The following POLI variants were observed in gnomAD, a reference collection of about 807,000 sequenced individuals.
POLI encodes the protein DNA polymerase iota, also known as RAD30 homolog B.
POLI carries 58 observed loss-of-function variants against 51.6 expected under a neutral mutation model. The ratio of observed to expected loss-of-function variants is 1.12; its 90% CI spans 0.91 to 1.40. POLI has a LOEUF of 1.40. POLI is among the 40% of genes most tolerant of loss of function. The pLI is 0.00. For missense variants in POLI, 921 were observed against 871.3 expected (o/e 1.06, Z -0.72); for synonymous variants, 322 against 299.7 (o/e 1.07, Z -0.77).
Position 54,282,990 on chromosome 18 carries a change from C to T in POLI, c.950C>T (p.Pro317Leu). Reference protein sequence around the residue: ...QKLSFGEDNSPVILSGPPQSF... With the variant: ...QKLSFGEDNSLVILSGPPQSF... ...CTCAGTTTTGGAGAGGATAACTCCC[C>T]TGTGATACTCTCAGGACCACCTCAG... is the stretch of plus-strand genomic sequence containing the variant. The change falls in exon 6 of 10, where the codon CCT becomes CTT. Residue 317 changes from proline (P) to leucine (L), a missense_variant. Physicochemically the swap from Pro to Leu is moderately conservative, Grantham distance 98 (BLOSUM62 -3). Coordinates refer to ENST00000579534, the MANE Select transcript of POLI (RefSeq NM_007195.3). 5 of 1,608,360 alleles carry T rather than the reference C, an allele frequency of 3.1e-6. No individual in the cohort carries two copies. Among genetic ancestry groups the T allele is most frequent in the Non-Finnish European group, 4.3e-6 (5 of 1,176,096 alleles).
chr18:54,271,900 A>G (rs2087021407), intron 2 of POLI, among the ~76,000 whole-genome samples: 1 of 152,192 alleles, frequency 6.6e-6, no homozygotes. Context: ...CATCTAACTA[A>G]CTAGTTGGAT....
chr18:54,280,669 A>G lies in POLI; in HGVS notation c.562A>G (p.Ile188Val), dbSNP rs1309065928. Residue 188 changes from isoleucine to valine, a missense_variant and splice_region_variant, in exon 5 of 10, where the codon ATA becomes GTA. Physicochemically the swap from Ile to Val is conservative, Grantham distance 29. Transcript: ENST00000579534. ...VSGHVYNNQSINLLDVLHIRL... is the reference protein window; with the variant it reads ...VSGHVYNNQSVNLLDVLHIRL... ...AATGACATTTGTTGTTTTTAAAGCT[A>G]TAAACCTGCTTGACGTCTTGCACAT... 3 of 1,602,110 alleles carry G rather than the reference A, an allele frequency of 1.9e-6. No individual in the cohort carries two copies. The highest frequency in any genetic ancestry group is 1.1e-5 in the South Asian group (1 of 90,698).
At chr18:54,308,115 C>G (rs1050464529) in intron 3 of POLI, among the ~76,000 whole-genome samples, 4 of 152,086 alleles carry the variant, frequency 2.6e-5, no homozygotes, top group Non-Finnish European at 4.4e-5. Context: ...TGAATTTGAT[C>G]CTGTTATTAT....
intron 3 of POLI, among the ~76,000 whole-genome samples, chr18:54,309,584 C>T (rs1030138373): frequency 2.0e-5 from 3 of 152,148 alleles, no homozygotes; most frequent in African/African-American, 4.8e-5. Context: ...GCTCAAACAC[C>T]GTGCTGGGAG....
chr18:54,279,241 C>CTTTTTT lies in POLI; in HGVS notation c.559+1400_559+1405dup, dbSNP rs769828054. 3.9e-4 allele frequency among the ~76,000 whole-genome samples: 47 copies of CTTTTTT among 119,102 alleles called. 2 individuals are homozygous for CTTTTTT. Among genetic ancestry groups the CTTTTTT allele is most frequent in the Non-Finnish European group, 5.1e-4 (30 of 58,270 alleles). 78.1% of individuals were successfully genotyped at this position (119,102 alleles called of 152,430 possible). On this transcript the variant is annotated intron_variant, in intron 4 of 9. Transcript: ENST00000579534. ...ACAAAAAATACCCATTATGTCTTTT[C>CTTTTTT]TTTTTTTTTTTTTTTTTTTGAGACA...
chr18:54,279,465 A>G (rs1171321188), intron 4 of POLI, among the ~76,000 whole-genome samples: 1 of 151,438 alleles, frequency 6.6e-6, no homozygotes. Context: ...CTGGTCTTGA[A>G]CTCCTAATCT....
chr18:54,315,466 T>A (rs1011939036), intron 3 of POLI, among the ~76,000 whole-genome samples: 1 of 152,150 alleles, frequency 6.6e-6, no homozygotes, highest in African/African-American at 2.4e-5. Flanking sequence ...ATTCTATAGA[T>A]GTCTATTAGG....
chr18:54,309,550 A>G (rs888694021), intron 3 of POLI, among the ~76,000 whole-genome samples: 2 of 151,840 alleles, frequency 1.3e-5, no homozygotes, highest in Non-Finnish European at 2.9e-5. Flanking sequence ...GTGTCAGGGA[A>G]GAGGCAGTCA....
intron 3 of POLI, among the ~76,000 whole-genome samples, chr18:54,305,991 C>T (rs1391727443): frequency 2.0e-5 from 3 of 152,164 alleles, no homozygotes; most frequent in African/African-American, 7.2e-5. Flanking sequence ...ATCTCCTGAC[C>T]TCATGATCCG....
intron 3 of POLI, among the ~76,000 whole-genome samples, chr18:54,309,767 G>T (rs866328687): frequency 3.3e-5 from 5 of 152,168 alleles, no homozygotes; most frequent in African/African-American, 1.2e-4. Flanking sequence ...CTTTGTTTAC[G>T]CAGTCAAGCC....
Position 54,274,042 on chromosome 18 carries a change from A to G in POLI, c.358A>G (p.Asn120Asp). The change falls in exon 3 of 10, where the codon AAT becomes GAT. Residue 120 changes from asparagine (N) to aspartate (D), a missense_variant. Physicochemically the swap from Asn to Asp is conservative, Grantham distance 23. Coordinates refer to ENST00000579534, the MANE Select transcript of POLI (RefSeq NM_007195.3). ...AAAGTGTCCACAGTTGGTATTAGTT[A>G]ATGGAGAAGACCTGACCCGCTACAG... ...KEKCPQLVLVNGEDLTRYREM... is the reference protein window; with the variant it reads ...KEKCPQLVLVDGEDLTRYREM... 3 of 1,555,496 alleles carry G rather than the reference A, an allele frequency of 1.9e-6. No homozygotes were observed. The highest frequency in any genetic ancestry group is 1.7e-4 in the Middle Eastern group (1 of 5,866).
chr18:54,293,642 G>A lies in POLI; in HGVS notation c.1405-7G>A. 2 of 1,535,534 alleles carry A rather than the reference G, an allele frequency of 1.3e-6. No individual in the cohort carries two copies. The highest frequency in any genetic ancestry group is 1.8e-6 in the Non-Finnish European group (2 of 1,142,184). On this transcript the variant is annotated splice_region_variant and splice_polypyrimidine_tract_variant and intron_variant, in intron 9 of 9. Coordinates refer to ENST00000579534, the MANE Select transcript of POLI (RefSeq NM_007195.3). The stretch of plus-strand genomic sequence containing the variant: ...ATGTAAATTAGTCTGTTATTCTTGT[G>A]TTCTAGAAAATGAAAGACACTCATA...
At chr18:54,318,647 A>T (rs1341335651) in intron 3 of POLI, among the ~76,000 whole-genome samples, 1 of 152,134 alleles carries the variant, frequency 6.6e-6, no homozygotes, top group Non-Finnish European at 1.5e-5. Flanking sequence ...TTAAAAGTAT[A>T]TCTGCTTAAC....
rs192896634 is a variant in POLI at position 54,273,386 on chromosome 18, G to A, written c.242-540G>A. Among the ~76,000 whole-genome samples the A allele has an allele frequency of 3.9e-3, 532 of 136,478 alleles. 1 individual carries two copies. Among genetic ancestry groups the A allele is most frequent in the Non-Finnish European group, 6.1e-3 (385 of 62,706 alleles). The allele number at this position is 136,478 out of a possible 152,430, so 89.5% of individuals were successfully genotyped here. A position where few individuals can be genotyped will look rare whatever the true frequency, so the allele number is the denominator to read the frequency against. On this transcript the variant is annotated intron_variant, in intron 2 of 9. Coordinates refer to ENST00000579534, the MANE Select transcript of POLI (RefSeq NM_007195.3). ...TAGTTGTACTCAATTATTTTCATCC[G>A]TTTTTTTTTTTTTTGGTAGAACATG...
At chr18:54,290,402 A>G (rs2144575918) in intron 8 of POLI, among the ~76,000 whole-genome samples, 1 of 152,356 alleles carries the variant, frequency 6.6e-6, no homozygotes, top group East Asian at 1.9e-4. Flanking sequence ...TAGTTCAACC[A>G]TTGTGGATGA....
chr18:54,293,172 T>C (rs944694176), intron 9 of POLI, among the ~76,000 whole-genome samples: 1 of 151,910 alleles, frequency 6.6e-6, no homozygotes, highest in Non-Finnish European at 1.5e-5. Context: ...AAATATAAAC[T>C]AGTACTATAT....
At chr18:54,300,930 AT>A (rs1318178297), downstream of POLI, among the ~76,000 whole-genome samples, 1 of 152,210 alleles carries the variant, frequency 6.6e-6, no homozygotes, top group Non-Finnish European at 1.5e-5. Flanking sequence ...CATCCTCAAA[AT>A]ACATAAAGCA....
chr18:54,318,259 C>G (rs2088758581), intron 3 of POLI, among the ~76,000 whole-genome samples: 1 of 152,034 alleles, frequency 6.6e-6, no homozygotes, highest in African/African-American at 2.4e-5. Flanking sequence ...TTTAGTTTGA[C>G]CAAATACTGA....
intron 3 of POLI, chr18:54,275,116 G>T (rs2087180847): frequency 6.6e-6 from 1 of 152,226 alleles, no homozygotes. Flanking sequence ...GTTTAAAGAT[G>T]AATGTTCTTC....
Sources: gnomAD v4.1 joint callset for allele counts (sites outside exome capture counted in the v4.1 genomes callset) on GRCh38, gnomAD v4.1.1 for gene constraint, MANE v1.5 for transcripts, NCBI Gene and HGNC (gene_info 2026-07-23, HGNC 2026-07-21) for gene names.